Variants in RAD52 observed in about 807,000 individuals in gnomAD.
RAD52 encodes DNA repair protein RAD52 homolog.
In RAD52, 47 loss-of-function variants were observed where a neutral mutation model predicts 55.5. That is an observed-to-expected ratio of 0.85 (90% CI 0.67 to 1.08). The LOEUF is 1.08. Ranked by LOEUF, RAD52 falls within the 50% of genes least tolerant of loss-of-function variation. The pLI, the probability that RAD52 is intolerant of heterozygous loss-of-function variation, is 0.00. For synonymous variants in RAD52, 184 were observed against 198.9 expected (o/e 0.92, Z 0.63); for missense variants, 468 against 522.8 (o/e 0.90, Z 1.02).
chr12:968,600 T>C (rs1958800710), intron 1 of RAD52, among the ~76,000 whole-genome samples: 1 of 152,028 alleles, frequency 6.6e-6, no homozygotes, highest in Non-Finnish European at 1.5e-5. Context: ...CCTGCCTGAG[T>C]AGTGGGTGAT....
upstream of RAD52, chr12:990,922 G>A (rs1959177769): frequency 7.0e-6 from 1 of 142,118 alleles, no homozygotes; most frequent in Non-Finnish European, 1.5e-5. Context: ...CCCCTCCCGT[G>A]GCCGCAGGGG....
At chr12:942,401 C>T (rs190002555) in intron 1 of RAD52, among the ~76,000 whole-genome samples, 12 of 152,274 alleles carry the variant, frequency 7.9e-5, no homozygotes, top group Middle Eastern at 3.4e-3. Context: ...TTATATCTCA[C>T]ACCATTCACC....
chr12:980,116 C>G (rs571375483), intron 1 of RAD52, among the ~76,000 whole-genome samples: 4 of 151,574 alleles, frequency 2.6e-5, no homozygotes, highest in African/African-American at 7.3e-5. Flanking sequence ...CTTGAACCTG[C>G]GAGGCGGAGG....
At position 977,929 on chromosome 12, in the gene RAD52, GTGGGACATCAGCTGTGAA is replaced by G. The variant is rs1958955329; in HGVS notation, c.-19+11862_-19+11879del. ...GAGCAAAGAAATGCAAAACCTATGA[GTGGGACATCAGCTGTGAA>G]TGGGACATTGAAATGATCAAGTTGA... is the stretch of plus-strand genomic sequence containing the variant. On this transcript the variant is annotated intron_variant, in intron 1 of 11. Transcript: ENST00000430095. Among the ~76,000 whole-genome samples the G allele has an allele frequency of 3.3e-5, 5 of 152,276 alleles. No homozygotes were observed. In the South Asian group the frequency reaches 1.0e-3, roughly 32 times the overall value.
intron 1 of RAD52, among the ~76,000 whole-genome samples, chr12:940,320 C>T (rs963870475): frequency 2.7e-5 from 4 of 150,942 alleles, no homozygotes; most frequent in African/African-American, 4.9e-5. Flanking sequence ...CTCTGTTGGC[C>T]GGGCGCGGTG....
intron 1 of RAD52, among the ~76,000 whole-genome samples, chr12:988,824 A>G (rs1383900794): frequency 6.6e-6 from 1 of 152,170 alleles, no homozygotes; most frequent in Admixed American, 6.5e-5. Flanking sequence ...TTCATGAAGA[A>G]TCTGCCCCCA....
intron 11 of RAD52, among the ~76,000 whole-genome samples, 170 bp from the exon 12 acceptor site, chr12:913,622 T>C (rs906634568): frequency 6.6e-6 from 1 of 152,352 alleles, no homozygotes; most frequent in East Asian, 1.9e-4. Flanking sequence ...CTCGTGCTCA[T>C]GACAGACCTG....
intron 7 of RAD52, among the ~76,000 whole-genome samples, chr12:920,559 C>CA (rs35033819): frequency 9.4e-4 from 99 of 105,764 alleles, no homozygotes; most frequent in Middle Eastern, 5.8e-3. Context: ...GACTCCGTCT[C>CA]AAAAAAAAAA....
At chr12:990,655 C>G (rs1959172791), upstream of RAD52, 1 of 152,228 alleles carries the variant, frequency 6.6e-6, no homozygotes, top group Admixed American at 6.5e-5. Context: ...ATTTCGCGGC[C>G]GCGTTCCACG....
chr12:979,556 T>G (rs1221691514), intron 1 of RAD52, among the ~76,000 whole-genome samples: 1 of 151,988 alleles, frequency 6.6e-6, no homozygotes, highest in Non-Finnish European at 1.5e-5. Flanking sequence ...TCTCTCTCTC[T>G]GTGCGTGTGT....
In RAD52 at chr12:971,198, A is replaced by G. The variant is rs368270379; in HGVS notation, c.-19+18611T>C. Among the ~76,000 whole-genome samples the G allele has an allele frequency of 3.3e-5, 5 of 152,292 alleles. No homozygotes were observed. The East Asian group carries it at 9.6e-4, about 29-fold the overall frequency. Reference sequence around the variant, plus strand: ...TAATATTTCCCTTGGGGTGACTATGATGCAACCAATATGTACGTTCCTTTA... The same window carrying G: ...TAATATTTCCCTTGGGGTGACTATGGTGCAACCAATATGTACGTTCCTTTA... On this transcript the variant is annotated intron_variant, in intron 1 of 11. Transcript: ENST00000430095.
At chr12:966,941 T>C (rs1469692800) in intron 1 of RAD52, among the ~76,000 whole-genome samples, 1 of 152,130 alleles carries the variant, frequency 6.6e-6, no homozygotes, top group Non-Finnish European at 1.5e-5. Context: ...TACACTTCCT[T>C]ATTTTTCCCT....
At chr12:971,212 T>C in intron 1 of RAD52, among the ~76,000 whole-genome samples, 1 of 152,224 alleles carries the variant, frequency 6.6e-6, no homozygotes, top group East Asian at 1.9e-4. Context: ...AACCAATATG[T>C]ACGTTCCTTT....
intron 1 of RAD52, among the ~76,000 whole-genome samples, chr12:963,884 C>T (rs549711712): frequency 6.8e-4 from 104 of 151,860 alleles, no homozygotes; most frequent in Non-Finnish European, 1.3e-3. Context: ...GGCAGCGGTA[C>T]TCTTTCAAAT....
intron 1 of RAD52, among the ~76,000 whole-genome samples, chr12:984,381 A>G (rs1189974138): frequency 6.6e-6 from 1 of 151,994 alleles, no homozygotes; most frequent in East Asian, 1.9e-4. Context: ...TATTGTTAGT[A>G]GAGATGGGAT....
intron 1 of RAD52, among the ~76,000 whole-genome samples, chr12:937,968 T>G (rs1957725675): frequency 6.6e-6 from 1 of 152,114 alleles, no homozygotes; most frequent in African/African-American, 2.4e-5. Context: ...GCCATGAGCT[T>G]CTCCAGTGGA....
chr12:948,718 T>G (rs537697837), intron 1 of RAD52, among the ~76,000 whole-genome samples: 10 of 152,010 alleles, frequency 6.6e-5, no homozygotes, highest in African/African-American at 2.4e-4. Flanking sequence ...TTTTTTTTTT[T>G]GGATGGATTC....
intron 2 of RAD52, among the ~76,000 whole-genome samples, 187 bp from the exon 3 acceptor site, chr12:931,508 A>C (rs1158157231): frequency 6.6e-6 from 1 of 152,240 alleles, no homozygotes; most frequent in African/African-American, 2.4e-5. Context: ...ATTAGGCATC[A>C]TAGCAGTGAC....
intron 1 of RAD52, among the ~76,000 whole-genome samples, chr12:972,069 C>A (rs888875301): frequency 2.0e-5 from 3 of 152,084 alleles, no homozygotes; most frequent in African/African-American, 4.8e-5. Flanking sequence ...GGGAATTAAT[C>A]ACAAAATATG....
Sources: gnomAD v4.1 joint callset for allele counts (sites outside exome capture counted in the v4.1 genomes callset) on GRCh38, gnomAD v4.1.1 for gene constraint, MANE v1.5 for transcripts, NCBI Gene and HGNC (gene_info 2026-07-23, HGNC 2026-07-21) for gene names.